Variants in TIPIN observed in about 807,000 individuals in gnomAD.
The protein encoded by TIPIN is TIMELESS interacting protein.
A neutral mutation model predicts 35.6 loss-of-function variants in TIPIN; 29 were observed. That is an observed-to-expected ratio of 0.82 (90% CI 0.61 to 1.11). The LOEUF is 1.11. TIPIN is among the 50% of genes most tolerant of loss of function. The pLI is 0.00. For missense variants in TIPIN, 296 were observed against 345.4 expected (o/e 0.86, Z 1.13); for synonymous variants, 102 against 121.5 (o/e 0.84, Z 1.06).
intron 6 of TIPIN, among the ~76,000 whole-genome samples, chr15:66,348,707 T>C (rs532511050): frequency 5.4e-4 from 80 of 147,492 alleles, no homozygotes; most frequent in Non-Finnish European, 8.2e-4. Context: ...AAAAAAAAAG[T>C]TGGCCAGGCA....
At chr15:66,360,334 A>C (rs1301356091), upstream of TIPIN, among the ~76,000 whole-genome samples, 2 of 152,176 alleles carry the variant, frequency 1.3e-5, no homozygotes, top group African/African-American at 4.8e-5. Flanking sequence ...GGCCGGGCAT[A>C]GTGGCTCACA....
At chr15:66,345,829 T>A (rs1377602827) in intron 6 of TIPIN, among the ~76,000 whole-genome samples, 1 of 152,190 alleles carries the variant, frequency 6.6e-6, no homozygotes, top group South Asian at 2.1e-4. Context: ...ATTTGGAGAC[T>A]ATTAAGATAC....
chr15:66,372,889 C>T (rs763483245), intron 1 of TIPIN, among the ~76,000 whole-genome samples: 12 of 151,136 alleles, frequency 7.9e-5, no homozygotes, highest in Non-Finnish European at 1.6e-4. Context: ...GGTGACAGAG[C>T]AAGACCCCGT....
intron 6 of TIPIN, chr15:66,348,515 A>AT (rs1398664464): frequency 6.7e-6 from 1 of 148,282 alleles, no homozygotes; most frequent in Non-Finnish European, 1.5e-5. Flanking sequence ...ACTAAAAAAA[A>AT]AAAAAAAAAA....
intron 7 of TIPIN, among the ~76,000 whole-genome samples, chr15:66,338,254 A>G (rs531871601): frequency 9.2e-5 from 14 of 151,962 alleles, no homozygotes; most frequent in Non-Finnish European, 1.9e-4. Context: ...GGCCCCATCT[A>G]AAAAAACAAA....
At chr15:66,342,597 G>A (rs1167090461) in intron 6 of TIPIN, among the ~76,000 whole-genome samples, 2 of 152,050 alleles carry the variant, frequency 1.3e-5, no homozygotes, top group Non-Finnish European at 2.9e-5. Context: ...TTCCTGACCT[G>A]AGGTGATCCA....
At chr15:66,377,895 G>A (rs2093303528) in intron 1 of TIPIN, among the ~76,000 whole-genome samples, 1 of 151,920 alleles carries the variant, frequency 6.6e-6, no homozygotes, top group Non-Finnish European at 1.5e-5. Context: ...TGCCCCAGCA[G>A]GAGTGCAATT....
intron 1 of TIPIN, among the ~76,000 whole-genome samples, chr15:66,365,412 G>C (rs562467683): frequency 6.6e-6 from 1 of 152,186 alleles, no homozygotes; most frequent in Non-Finnish European, 1.5e-5. Flanking sequence ...AAAAAGGGGA[G>C]GAACCCTCCA....
Position 66,351,587 on chromosome 15 carries a change from T to C in TIPIN, c.226A>G (p.Arg76Gly), listed in dbSNP as rs566108118. 3.1e-6 allele frequency: 5 copies of C among 1,610,690 alleles called. No individual in the cohort carries two copies. In the African/African-American group the frequency reaches 4.0e-5, roughly 13 times the overall value. ...KLDAQRLISERGLPALRHVFD... is the reference protein window; with the variant it reads ...KLDAQRLISEGGLPALRHVFD... The stretch of plus-strand genomic sequence containing the variant: ...ACATGCCTTAAGGCTGGAAGTCCTC[T>C]CTCTGAAATTAATCTGTGAATAAAA... Residue 76 changes from arginine (R) to glycine (G), a missense_variant, in exon 4 of 8, where the codon AGA becomes GGA. Arg to Gly is a moderately radical substitution (Grantham distance 125). Coordinates refer to ENST00000261881, the MANE Select transcript of TIPIN (RefSeq NM_017858.3).
At chr15:66,364,301 G>A (rs1202295527) in intron 1 of TIPIN, among the ~76,000 whole-genome samples, 1 of 151,458 alleles carries the variant, frequency 6.6e-6, no homozygotes, top group Non-Finnish European at 1.5e-5. Context: ...AAGGAGCTGG[G>A]ATTACAGATG....
intron 1 of TIPIN, among the ~76,000 whole-genome samples, chr15:66,355,164 G>A (rs1476074772): frequency 1.3e-5 from 2 of 150,404 alleles, no homozygotes; most frequent in East Asian, 4.0e-4. Flanking sequence ...CTCCCGAATA[G>A]CTGGGACTAC....
intron 1 of TIPIN, among the ~76,000 whole-genome samples, chr15:66,355,771 A>G (rs957505122): frequency 4.6e-5 from 7 of 152,118 alleles, no homozygotes; most frequent in African/African-American, 1.7e-4. Flanking sequence ...CAAAGCATCA[A>G]TTCCTGATCA....
intron 6 of TIPIN, among the ~76,000 whole-genome samples, chr15:66,344,128 C>T (rs1490937942): frequency 1.3e-5 from 2 of 151,764 alleles, no homozygotes; most frequent in African/African-American, 4.8e-5. Context: ...GATGGGGACT[C>T]ACTCTGTCAC....
At chr15:66,364,821 C>T (rs977717142) in intron 1 of TIPIN, among the ~76,000 whole-genome samples, 10 of 151,620 alleles carry the variant, frequency 6.6e-5, no homozygotes, top group East Asian at 3.9e-4. Context: ...CAAAAATTAG[C>T]TGGGTGTGGT....
At chr15:66,367,214 C>CTATATCTATATCTA (rs1200387832) in intron 1 of TIPIN, among the ~76,000 whole-genome samples, 9 of 150,386 alleles carry the variant, frequency 6.0e-5, no homozygotes, top group African/African-American at 9.8e-5. Context: ...ATATCTATAT[C>CTATATCTATATCTA]TATATCTATA....
intron 7 of TIPIN, among the ~76,000 whole-genome samples, chr15:66,339,334 C>T (rs577321011): frequency 6.6e-6 from 1 of 150,962 alleles, no homozygotes; most frequent in Admixed American, 6.6e-5. Context: ...TGGTCTTGAA[C>T]TCCCAGGCTC....
chr15:66,370,789 A>C (rs2093275036), intron 1 of TIPIN, among the ~76,000 whole-genome samples: 1 of 152,160 alleles, frequency 6.6e-6, no homozygotes, highest in Admixed American at 6.6e-5. Context: ...TTCATAATAA[A>C]AGAATAAAAG....
intron 7 of TIPIN, 102 bp downstream of exon 7, chr15:66,341,048 C>T (rs1044116209): frequency 2.9e-6 from 3 of 1,020,618 alleles, no homozygotes; most frequent in African/African-American, 3.2e-5. Flanking sequence ...CACTTTTCCA[C>T]TCCTAGAAGT....
chr15:66,378,812 C>T (rs984273978), intron 1 of TIPIN, among the ~76,000 whole-genome samples: 3 of 151,952 alleles, frequency 2.0e-5, no homozygotes, highest in Non-Finnish European at 4.4e-5. Context: ...TCATGACTCA[C>T]TCTAACCTGG....
Sources: allele counts gnomAD v4.1 joint callset (sites outside exome capture counted in the v4.1 genomes callset), GRCh38; gene constraint gnomAD v4.1.1; transcripts MANE v1.5; gene names NCBI Gene and HGNC (gene_info 2026-07-23, HGNC 2026-07-21).